RSPH4A: variants seen among roughly 807,000 people sequenced by gnomAD.
RSPH4A encodes the protein radial spoke head component 4A, also known as radial spoke head protein 4 homolog A.
RSPH4A carries 47 observed loss-of-function variants against 71.0 expected under a neutral mutation model. That is an observed-to-expected ratio of 0.66 (90% CI 0.52 to 0.84). The LOEUF is 0.84. Among genes scored for constraint, RSPH4A ranks in the 40% least tolerant of loss-of-function variants. The pLI, the probability that RSPH4A is intolerant of heterozygous loss-of-function variation, is 0.00. For synonymous variants in RSPH4A, 282 were observed against 302.3 expected, an observed-to-expected ratio of 0.93 and a Z score of 0.70; for missense variants, 793 against 855.2, an observed-to-expected ratio of 0.93 and a Z score of 0.91.
chr6:116,617,288 G>A lies in RSPH4A; in HGVS notation c.665G>A (p.Ser222Asn), dbSNP rs765991456. Reference protein sequence around the residue: ...QNAKAYLLKTSSNSGFNLYDH... With the variant: ...QNAKAYLLKTNSNSGFNLYDH... ...GCTAAGGCTTACCTGCTGAAGACTA[G>A]CAGCAATTCGGGCTTTAATCTGTAA... is the stretch of plus-strand genomic sequence containing the variant. The change falls in exon 1 of 6, where the codon AGC (serine) becomes AAC (asparagine). Residue 222 changes from serine (S) to asparagine (N), a missense_variant. Ser to Asn is a conservative substitution (Grantham distance 46). Coordinates refer to ENST00000229554, the MANE Select transcript of RSPH4A (RefSeq NM_001010892.3). 6.2e-7 allele frequency: 1 copy of A among 1,612,004 alleles called. No individual in the cohort carries two copies. Among genetic ancestry groups the A allele is most frequent in the Middle Eastern group, 1.6e-4 (1 of 6,072 alleles).
intron 2 of RSPH4A, among the ~76,000 whole-genome samples, chr6:116,624,144 G>A (rs185094875): frequency 4.1e-4 from 63 of 152,308 alleles, no homozygotes; most frequent in African/African-American, 1.1e-3. Flanking sequence ...AAAGATAAGG[G>A]AGACAGTAGA....
chr6:116,622,866 C>T lies in RSPH4A; in HGVS notation c.785C>T (p.Ala262Val). 6.2e-7 allele frequency: 1 copy of T among 1,612,554 alleles called. No individual in the cohort carries two copies. Among genetic ancestry groups the T allele is most frequent in the South Asian group, 1.1e-5 (1 of 91,040 alleles). ...FENISQDVKMAHFSKKFDALQ... is the reference protein window; with the variant it reads ...FENISQDVKMVHFSKKFDALQ... ...AATATTAGCCAAGATGTGAAGATGGCACATTTTAGTAAAAAATTTGATGCA... is the reference window on the plus strand; with the variant it reads ...AATATTAGCCAAGATGTGAAGATGGTACATTTTAGTAAAAAATTTGATGCA... The change falls in exon 2 of 6, where the codon GCA becomes GTA. Residue 262 changes from alanine (A) to valine (V), a missense_variant. Ala to Val is a moderately conservative substitution (Grantham distance 64, BLOSUM62 0). Transcript: ENST00000229554.
chr6:116,617,971 A>ATT, intron 1 of RSPH4A, among the ~76,000 whole-genome samples: 1 of 152,156 alleles, frequency 6.6e-6, no homozygotes, highest in South Asian at 2.1e-4. Flanking sequence ...ATTTCTATAG[A>ATT]TTTTTGCTTC....
intron 1 of RSPH4A, among the ~76,000 whole-genome samples, chr6:116,619,909 C>T (rs1383054726): frequency 6.6e-6 from 1 of 152,134 alleles, no homozygotes; most frequent in Non-Finnish European, 1.5e-5. Flanking sequence ...TTGGTAGAGA[C>T]ACGGTTTCAC....
Position 116,622,993 on chromosome 6 carries a change from A to T in RSPH4A, c.912A>T (p.Glu304Asp). Residue 304 changes from glutamate to aspartate, a missense_variant, in exon 2 of 6, where the codon GAA becomes GAT. Coordinates refer to ENST00000229554, the MANE Select transcript of RSPH4A (RefSeq NM_001010892.3). The part of the protein sequence containing the change: ...GHLEGVDQEL[E>D]DEIAENALPN... ...TGGAAGGAGTTGACCAAGAATTGGA[A>T]GATGAAATAGTAAGTCACTACTACA... 1 of 1,590,480 alleles carries T rather than the reference A, an allele frequency of 6.3e-7. No individual in the cohort carries two copies. Among genetic ancestry groups the T allele is most frequent in the Non-Finnish European group, 8.6e-7 (1 of 1,158,502 alleles).
chr6:116,627,492 A>G (rs1477676210), intron 2 of RSPH4A, 137 bp from the exon 3 acceptor site: 8 of 805,456 alleles, frequency 9.9e-6, no homozygotes, highest in Non-Finnish European at 1.7e-5. Flanking sequence ...CACTGCACCC[A>G]GCCAATTTGA....
chr6:116,617,143 A>G lies in RSPH4A; in HGVS notation c.520A>G (p.Lys174Glu), dbSNP rs1297034451. The G allele has an allele frequency of 6.2e-7, 1 of 1,614,084 alleles. No homozygotes were observed. The highest frequency in any genetic ancestry group is 8.5e-7 in the Non-Finnish European group (1 of 1,180,052). Residue 174 changes from lysine to glutamate, a missense_variant, in exon 1 of 6, where the codon AAA becomes GAA. Physicochemically the swap from Lys to Glu is moderately conservative, Grantham distance 56. Coordinates refer to ENST00000229554, the MANE Select transcript of RSPH4A (RefSeq NM_001010892.3). Reference protein sequence around the residue: ...RDVSYNNAKQKELRFDVFQEE... With the variant: ...RDVSYNNAKQEELRFDVFQEE... ...CGTGAGCTATAACAACGCTAAACAGAAAGAGCTGAGATTTGACGTTTTTCA... is the reference window on the plus strand; with the variant it reads ...CGTGAGCTATAACAACGCTAAACAGGAAGAGCTGAGATTTGACGTTTTTCA...
chr6:116,622,532 C>T lies in RSPH4A; in HGVS notation c.687-236C>T, dbSNP rs564114656. ...GTAGAAATTATCTTAAGTGTTTATC[C>T]TCTGAAAATCTCTGAAGACTTCAAG... On this transcript the variant is annotated intron_variant, in intron 1 of 5. Transcript: ENST00000229554. 1.2e-4 allele frequency among the ~76,000 whole-genome samples: 19 copies of T among 152,156 alleles called. No individual in the cohort carries two copies. The South Asian group carries it at 3.9e-3, about 31-fold the overall frequency.
At chr6:116,626,207 C>A (rs891185970) in intron 2 of RSPH4A, among the ~76,000 whole-genome samples, 82 of 152,272 alleles carry the variant, frequency 5.4e-4, no homozygotes, top group African/African-American at 1.8e-3. Flanking sequence ...CTTATTTTGA[C>A]ACTACAATTA....
At position 116,616,602 on chromosome 6, in the gene RSPH4A, T is replaced by C; in HGVS notation, c.-22T>C. The C allele has an allele frequency of 1.3e-6, 2 of 1,583,202 alleles. No homozygotes were observed. Among genetic ancestry groups the C allele is most frequent in the Non-Finnish European group, 1.7e-6 (2 of 1,159,742 alleles). On this transcript the variant is annotated 5_prime_UTR_variant, in exon 1 of 6. Coordinates refer to ENST00000229554, the MANE Select transcript of RSPH4A (RefSeq NM_001010892.3). The stretch of plus-strand genomic sequence containing the variant: ...TTTCACGCCCCTTTCATCCAGAACA[T>C]TTTTTTTCTTGAACTGCTTCCATGG...
At position 116,622,906 on chromosome 6, in the gene RSPH4A, T is replaced by G. The variant is rs2115356476; in HGVS notation, c.825T>G (p.Asn275Lys). 2 of 1,613,922 alleles carry G rather than the reference T, an allele frequency of 1.2e-6. No individual in the cohort carries two copies. Among genetic ancestry groups the G allele is most frequent in the African/African-American group, 1.3e-5 (1 of 75,052 alleles). The change falls in exon 2 of 6, where the codon AAT becomes AAG. Residue 275 changes from asparagine to lysine, a missense_variant. Asn to Lys is a moderately conservative substitution (Grantham distance 94). Transcript: ENST00000229554. ...SKKFDALQNE[N>K]ELLPTYEIAE... ...AATTTGATGCACTACAAAATGAGAA[T>G]GAGTTGCTTCCAACATATGAAATAG... is the stretch of plus-strand genomic sequence containing the variant.
In RSPH4A at chr6:116,632,637, C is replaced by A. The variant is rs777149752; in HGVS notation, c.*196C>A. ...ATATTAGCATTTTTATTGAAAGATA[C>A]TCACAGGATTTTCCAGAGGCTAAAT... On this transcript the variant is annotated 3_prime_UTR_variant, in exon 6 of 6. Transcript: ENST00000229554. 3 of 656,784 alleles carry A rather than the reference C, an allele frequency of 4.6e-6. No individual in the cohort carries two copies. Among genetic ancestry groups the A allele is most frequent in the Non-Finnish European group, 7.4e-6 (3 of 404,336 alleles). The allele number at this position is 656,784 out of a possible 1,614,324, so 40.7% of individuals were successfully genotyped here.
At chr6:116,618,123 A>T (rs1162249567) in intron 1 of RSPH4A, among the ~76,000 whole-genome samples, 3 of 152,182 alleles carry the variant, frequency 2.0e-5, no homozygotes, top group Non-Finnish European at 4.4e-5. Flanking sequence ...AGTGGCTAAC[A>T]ACACTTACCG....
At position 116,632,319 on chromosome 6, in the gene RSPH4A, G is replaced by A. The variant is rs1411912608; in HGVS notation, c.2029G>A (p.Glu677Lys). ...ATACCCCAGTGGACCAGAAATTACA[G>A]AAATGGATGATCCTAGTGTGGAGGA... is the stretch of plus-strand genomic sequence containing the variant. Reference protein sequence around the residue: ...QEYPSGPEITEMDDPSVEEEQ... With the variant: ...QEYPSGPEITKMDDPSVEEEQ... The change falls in exon 6 of 6, where the codon GAA (glutamate) becomes AAA (lysine). Residue 677 changes from glutamate (E) to lysine (K), a missense_variant. Transcript: ENST00000229554. The A allele has an allele frequency of 6.2e-7, 1 of 1,613,924 alleles. No individual in the cohort carries two copies. Among genetic ancestry groups the A allele is most frequent in the Admixed American group, 1.7e-5 (1 of 60,004 alleles).
intron 2 of RSPH4A, among the ~76,000 whole-genome samples, chr6:116,623,233 G>A (rs9488988): frequency 2.0e-5 from 3 of 151,920 alleles, no homozygotes; most frequent in Admixed American, 1.3e-4. Context: ...CTTCAGGCAC[G>A]TGCCACCATG....
Position 116,628,235 on chromosome 6 carries a change from G to A in RSPH4A, c.1528G>A (p.Gly510Arg). 6.2e-7 allele frequency: 1 copy of A among 1,612,892 alleles called. No homozygotes were observed. The highest frequency in any genetic ancestry group is 1.7e-4 in the Middle Eastern group (1 of 6,052). ...ATTTTATCAGTTTGGTGAAGAGGAA[G>A]GAGAGGAGGAGGAAGAGGCAGAAGG... The part of the protein sequence containing the change: ...LGFYQFGEEE[G>R]EEEEEAEGGR... The change falls in exon 3 of 6, where the codon GGA (glycine) becomes AGA (arginine). Residue 510 changes from glycine to arginine, a missense_variant. Transcript: ENST00000229554.
intron 1 of RSPH4A, 71 bp downstream of exon 1, chr6:116,617,380 G>A: frequency 9.6e-7 from 1 of 1,043,266 alleles, no homozygotes; most frequent in Non-Finnish European, 1.4e-6. Context: ...CTGTGTGAGA[G>A]TGTGTTTCTG....
At position 116,632,601 on chromosome 6, in the gene RSPH4A, C is replaced by A; in HGVS notation, c.*160C>A. 1 of 932,852 alleles carries A rather than the reference C, an allele frequency of 1.1e-6. No individual in the cohort carries two copies. The highest frequency in any genetic ancestry group is 1.6e-6 in the Non-Finnish European group (1 of 640,460). 57.8% of individuals were successfully genotyped at this position (932,852 alleles called of 1,614,324 possible). A position where few individuals can be genotyped will look rare whatever the true frequency, so the allele number is the denominator to read the frequency against. ...ATCTTGAAAATCAAGCTTGAAATTT[C>A]ATAGGTAGAAATATTAGCATTTTTA... On this transcript the variant is annotated 3_prime_UTR_variant, in exon 6 of 6. Coordinates refer to ENST00000229554, the MANE Select transcript of RSPH4A (RefSeq NM_001010892.3).
intron 1 of RSPH4A, among the ~76,000 whole-genome samples, chr6:116,618,021 T>G (rs1775540127): frequency 6.6e-6 from 1 of 152,244 alleles, no homozygotes; most frequent in Non-Finnish European, 1.5e-5. Context: ...ATTTTAGGGC[T>G]AGAAGGGCTT....
Sources: gnomAD v4.1 joint callset for allele counts (sites outside exome capture counted in the v4.1 genomes callset) on GRCh38, gnomAD v4.1.1 for gene constraint, MANE v1.5 for transcripts, NCBI Gene and HGNC (gene_info 2026-07-23, HGNC 2026-07-21) for gene names.